Variants in BNC2 observed in about 807,000 individuals in gnomAD.
BNC2 encodes zinc finger protein basonuclin-2.
BNC2 carries 20 observed loss-of-function variants against 76.3 expected under a neutral mutation model. The ratio of observed to expected loss-of-function variants is 0.26; its 90% CI spans 0.18 to 0.38. The LOEUF (loss-of-function observed/expected upper bound fraction) is 0.38. Ranked by LOEUF, BNC2 falls within the 10% of genes least tolerant of loss-of-function variation. The probability of loss-of-function intolerance (pLI) is 1.00; values close to 1 mark genes in which losing one functional copy is unlikely to be tolerated. For synonymous variants in BNC2, 582 were observed against 514.8 expected (o/e 1.13, Z -1.77); for missense variants, 1,382 against 1,399.8 (o/e 0.99, Z 0.20).
chr9:16,494,762 G>A (rs1159158278), intron 5 of BNC2, among the ~76,000 whole-genome samples: 1 of 152,072 alleles, frequency 6.6e-6, no homozygotes, highest in East Asian at 1.9e-4. Context: ...AGGCCGTGTA[G>A]AAGAGTTTGG....
At chr9:16,469,912 G>T (rs1401052798) in intron 5 of BNC2, among the ~76,000 whole-genome samples, 1 of 151,858 alleles carries the variant, frequency 6.6e-6, no homozygotes, top group Non-Finnish European at 1.5e-5. Flanking sequence ...TTGAACTTGA[G>T]AGAGATGATT....
At chr9:16,727,557 T>C (rs1210948382) in intron 3 of BNC2, 2 of 527,068 alleles carry the variant, frequency 3.8e-6, no homozygotes, top group African/African-American at 1.9e-5. Flanking sequence ...TTCAACAATG[T>C]CTCTGCTTTC....
chr9:16,477,321 T>C (rs887915114), intron 5 of BNC2, among the ~76,000 whole-genome samples: 13 of 152,078 alleles, frequency 8.5e-5, no homozygotes, highest in African/African-American at 3.1e-4. Flanking sequence ...ACCTTTAGGG[T>C]CTAGTATTGG....
chr9:16,605,551 C>G (rs927481153), intron 3 of BNC2, among the ~76,000 whole-genome samples: 1 of 152,182 alleles, frequency 6.6e-6, no homozygotes. Context: ...AGTCCCATGA[C>G]TACTGTTAAG....
At chr9:16,833,848 T>C (rs1218026384) in intron 1 of BNC2, among the ~76,000 whole-genome samples, 1 of 152,058 alleles carries the variant, frequency 6.6e-6, no homozygotes, top group Non-Finnish European at 1.5e-5. Context: ...GCCCCTTCCT[T>C]CCCTTCAGTC....
At chr9:16,592,186 T>A (rs1397019610) in intron 3 of BNC2, among the ~76,000 whole-genome samples, 1 of 151,668 alleles carries the variant, frequency 6.6e-6, no homozygotes, top group East Asian at 1.9e-4. Flanking sequence ...AATAAACACA[T>A]CCAAAATAAT....
rs1361946699 is a variant in BNC2, at chr9:16,436,330, C to G, written c.1864G>C (p.Glu622Gln). ...TTGGGTGCCAGGTCAGCACTGGGCT[C>G]ATGGGTGGCCATCATCACTGCTGGC... Reference protein sequence around the residue: ...VVPAVMMATHEPSADLAPKKK... With the variant: ...VVPAVMMATHQPSADLAPKKK... Residue 622 changes from glutamate (E) to glutamine (Q), a missense_variant, in exon 6 of 7, where the codon GAG (glutamate) becomes CAG (glutamine). Transcript: ENST00000380672. The G allele has an allele frequency of 6.2e-7, 1 of 1,614,014 alleles. No homozygotes were observed. Among genetic ancestry groups the G allele is most frequent in the East Asian group, 2.2e-5 (1 of 44,890 alleles).
At chr9:16,461,018 T>C (rs987042164) in intron 5 of BNC2, among the ~76,000 whole-genome samples, 64 of 152,062 alleles carry the variant, frequency 4.2e-4, no homozygotes, top group Middle Eastern at 3.4e-3. Context: ...GTAAGTACCA[T>C]AATAGACTTT....
rs147833338 is a variant in BNC2 at position 16,611,478 on chromosome 9, C to G, written c.331-28393G>C. 3.3e-5 allele frequency among the ~76,000 whole-genome samples: 5 copies of G among 152,192 alleles called. No individual in the cohort carries two copies. The East Asian group carries it at 9.7e-4, about 29-fold the overall frequency. On this transcript the variant is annotated intron_variant, in intron 3 of 6. Transcript: ENST00000380672. The stretch of plus-strand genomic sequence containing the variant: ...TGTTATTTTTTGACTGGTTATCATA[C>G]AAAAATCCAGGTTCCCAAGCAGCTC...
chr9:16,737,499 C>T lies in BNC2; in HGVS notation c.129+861G>A, dbSNP rs181748012. Among the ~76,000 whole-genome samples, 514 of 150,682 alleles carry T rather than the reference C, an allele frequency of 3.4e-3. 4 individuals carry two copies. The highest frequency in any genetic ancestry group is 0.012 in the African/African-American group (485 of 41,108). ...TTTCCTGACCTCGTGATCCACCCAC[C>T]TCAGCCTCCCAAAGTGCTGGGATTA... On this transcript the variant is annotated intron_variant, in intron 2 of 6. Coordinates refer to ENST00000380672, the MANE Select transcript of BNC2 (RefSeq NM_017637.6).
At chr9:16,556,117 C>T (rs886378061) in intron 4 of BNC2, among the ~76,000 whole-genome samples, 1 of 151,750 alleles carries the variant, frequency 6.6e-6, no homozygotes, top group African/African-American at 2.4e-5. Flanking sequence ...TTAGGCAACA[C>T]ATTGAAACCC....
chr9:16,795,053 C>A (rs1231775465), intron 1 of BNC2, among the ~76,000 whole-genome samples: 1 of 152,198 alleles, frequency 6.6e-6, no homozygotes, highest in Non-Finnish European at 1.5e-5. Context: ...ACTATCCAGT[C>A]CAACTCTCAA....
rs547679821 is a variant in BNC2 at position 16,777,940 on chromosome 9, A to T, written c.4-39455T>A. On this transcript the variant is annotated intron_variant, in intron 1 of 6. Transcript: ENST00000380672. The stretch of plus-strand genomic sequence containing the variant: ...ACTGAAAATATCTATACTGGCAATG[A>T]GAAAACAGCAATTAAACAAAACACA... 8.9e-4 allele frequency among the ~76,000 whole-genome samples: 135 copies of T among 152,318 alleles called. 3 individuals carry two copies. In the South Asian group the frequency reaches 0.027, roughly 31 times the overall value.
Position 16,640,502 on chromosome 9 carries a change from GT to G in BNC2, c.331-57418del, listed in dbSNP as rs1317299869. Among the ~76,000 whole-genome samples the G allele has an allele frequency of 1.6e-4, 24 of 152,166 alleles. 1 individual carries two copies. The highest frequency in any genetic ancestry group is 9.8e-4 in the Admixed American group (15 of 15,266). ...CTAAATTTTCATTTACTGGTTAATA[GT>G]TTCCAAAGAAAGCAGAGAGTCCTCC... On this transcript the variant is annotated intron_variant, in intron 3 of 6. Coordinates refer to ENST00000380672, the MANE Select transcript of BNC2 (RefSeq NM_017637.6).
intron 3 of BNC2, among the ~76,000 whole-genome samples, chr9:16,654,549 T>C (rs1434890425): frequency 6.6e-6 from 1 of 152,234 alleles, no homozygotes; most frequent in Admixed American, 6.5e-5. Flanking sequence ...ACTTAATTAT[T>C]TGAACAGCCA....
At chr9:16,527,832 G>A (rs1036080792) in intron 5 of BNC2, among the ~76,000 whole-genome samples, 2 of 152,174 alleles carry the variant, frequency 1.3e-5, no homozygotes, top group Admixed American at 6.5e-5. Flanking sequence ...GCAACGCATC[G>A]CTACAAATTA....
At chr9:16,813,552 A>C (rs1431197735) in intron 1 of BNC2, among the ~76,000 whole-genome samples, 2 of 152,126 alleles carry the variant, frequency 1.3e-5, no homozygotes, top group Non-Finnish European at 2.9e-5. Flanking sequence ...GGCGTGAGCC[A>C]CCGCGCCCAG....
chr9:16,705,728 T>C (rs1823649858), intron 3 of BNC2, among the ~76,000 whole-genome samples: 1 of 152,318 alleles, frequency 6.6e-6, no homozygotes, highest in East Asian at 1.9e-4. Flanking sequence ...GATAATTATG[T>C]TATTATTAAT....
chr9:16,721,902 T>C (rs1174367344), intron 3 of BNC2, among the ~76,000 whole-genome samples: 1 of 149,600 alleles, frequency 6.7e-6, no homozygotes, highest in East Asian at 2.0e-4. Context: ...TTTCTTTTCC[T>C]CTTTCCTTTT....
Sources: gnomAD v4.1 joint callset for allele counts (sites outside exome capture counted in the v4.1 genomes callset) on GRCh38, gnomAD v4.1.1 for gene constraint, MANE v1.5 for transcripts, NCBI Gene and HGNC (gene_info 2026-07-23, HGNC 2026-07-21) for gene names.